DTNB: variants seen among roughly 807,000 people sequenced by gnomAD.
DTNB encodes dystrobrevin beta.
DTNB carries 63 observed loss-of-function variants against 90.7 expected under a neutral mutation model. That is an observed-to-expected ratio of 0.69 (90% CI 0.57 to 0.86). The LOEUF is 0.86. Among genes scored for constraint, DTNB ranks in the 40% least tolerant of loss-of-function variants. The pLI is 0.00. For missense variants in DTNB, 744 were observed against 807.1 expected, an observed-to-expected ratio of 0.92 and a Z score of 0.95; for synonymous variants, 277 against 286.7, an observed-to-expected ratio of 0.97 and a Z score of 0.34.
At chr2:25,585,677 G>A (rs188838411) in intron 6 of DTNB, among the ~76,000 whole-genome samples, 1 of 152,232 alleles carries the variant, frequency 6.6e-6, no homozygotes, top group East Asian at 1.9e-4. Context: ...CTCCTATAAT[G>A]TGCAACATAG....
intron 5 of DTNB, among the ~76,000 whole-genome samples, chr2:25,603,169 TAAG>T (rs751701881): frequency 3.1e-4 from 47 of 152,200 alleles, no homozygotes; most frequent in Non-Finnish European, 5.3e-4. Flanking sequence ...GCAATTTGAA[TAAG>T]GAGACTAAAT....
At chr2:25,378,066 T>C (rs2036368916) in intron 20 of DTNB, among the ~76,000 whole-genome samples, 1 of 152,132 alleles carries the variant, frequency 6.6e-6, no homozygotes, top group African/African-American at 2.4e-5. Context: ...GTGTGGGGCA[T>C]TGGTTTCCTC....
intron 10 of DTNB, among the ~76,000 whole-genome samples, chr2:25,480,522 C>T (rs1368597133): frequency 1.3e-5 from 2 of 152,146 alleles, no homozygotes; most frequent in African/African-American, 4.8e-5. Flanking sequence ...AGGGGTAGGC[C>T]TCTACAGAGG....
At chr2:25,583,246 C>CAAAA (rs55876799) in intron 6 of DTNB, among the ~76,000 whole-genome samples, 4 of 97,102 alleles carry the variant, frequency 4.1e-5, no homozygotes, top group Admixed American at 1.1e-4. Flanking sequence ...GATTCCGTCT[C>CAAAA]AAAAAAAAAA....
intron 10 of DTNB, among the ~76,000 whole-genome samples, chr2:25,461,186 G>T (rs1224658693): frequency 6.6e-6 from 1 of 152,240 alleles, no homozygotes; most frequent in Non-Finnish European, 1.5e-5. Flanking sequence ...TTACAGGCGT[G>T]AGCCACCAGG....
At chr2:25,430,144 A>C (rs1323031781) in intron 14 of DTNB, among the ~76,000 whole-genome samples, 2 of 151,984 alleles carry the variant, frequency 1.3e-5, no homozygotes, top group Non-Finnish European at 2.9e-5. Flanking sequence ...TATATGTAAA[A>C]TCTTGTGTGT....
At chr2:25,669,295 A>G (rs1316909469) in intron 1 of DTNB, among the ~76,000 whole-genome samples, 1 of 152,228 alleles carries the variant, frequency 6.6e-6, no homozygotes, top group Non-Finnish European at 1.5e-5. Context: ...TACTATAATA[A>G]AAAAAGTTAG....
At chr2:25,382,721 G>C (rs1407631563) in intron 19 of DTNB, among the ~76,000 whole-genome samples, 2 of 151,840 alleles carry the variant, frequency 1.3e-5, no homozygotes, top group African/African-American at 4.8e-5. Context: ...TAGAGACAGG[G>C]TTTCACCATG....
At chr2:25,501,239 G>T (rs1202724170) in intron 9 of DTNB, among the ~76,000 whole-genome samples, 1 of 151,828 alleles carries the variant, frequency 6.6e-6, no homozygotes, top group African/African-American at 2.4e-5. Context: ...TTGAAACAGG[G>T]TCTCACTCTG....
Position 25,575,099 on chromosome 2 carries a change from G to A in DTNB, c.876+1739C>T, listed in dbSNP as rs1177680626. Among the ~76,000 whole-genome samples, 3 of 151,930 alleles carry A rather than the reference G, an allele frequency of 2.0e-5. No homozygotes were observed. In the South Asian group the frequency reaches 6.2e-4, roughly 32 times the overall value. On this transcript the variant is annotated intron_variant, in intron 8 of 20. Coordinates refer to ENST00000406818, the MANE Select transcript of DTNB (RefSeq NM_021907.5). ...CAAATGAGGAAATTCAAACCAGGGG[G>A]AATAAGAAGTTCCCAATTCTCTTAG... is the stretch of plus-strand genomic sequence containing the variant.
intron 12 of DTNB, among the ~76,000 whole-genome samples, chr2:25,435,461 C>A (rs2055418907): frequency 6.6e-6 from 1 of 152,214 alleles, no homozygotes; most frequent in Non-Finnish European, 1.5e-5. Context: ...TTTGCCTATT[C>A]TGGATATTTC....
chr2:25,549,959 C>G (rs879799468), intron 8 of DTNB, among the ~76,000 whole-genome samples: 8 of 152,096 alleles, frequency 5.3e-5, no homozygotes, highest in Non-Finnish European at 1.0e-4. Context: ...CTGTGCCCAG[C>G]CAGTATATCT....
intron 8 of DTNB, among the ~76,000 whole-genome samples, chr2:25,568,648 T>G (rs2151268174): frequency 6.6e-6 from 1 of 152,334 alleles, no homozygotes; most frequent in Non-Finnish European, 1.5e-5. Flanking sequence ...ATGGTTAAAT[T>G]AACCACTTAT....
chr2:25,439,483 CAG>C (rs1295191651), intron 12 of DTNB, among the ~76,000 whole-genome samples: 2 of 152,124 alleles, frequency 1.3e-5, no homozygotes, highest in Admixed American at 6.5e-5. Flanking sequence ...GTCTGAGTGA[CAG>C]AGTGAGACCC....
intron 8 of DTNB, among the ~76,000 whole-genome samples, chr2:25,542,616 G>A (rs2081517991): frequency 6.6e-6 from 1 of 152,110 alleles, no homozygotes; most frequent in South Asian, 2.1e-4. Flanking sequence ...TTATTTGAAT[G>A]TTTGCTGAAA....
intron 3 of DTNB, among the ~76,000 whole-genome samples, chr2:25,635,268 T>C (rs2076898814): frequency 6.6e-6 from 1 of 151,654 alleles, no homozygotes; most frequent in Admixed American, 6.6e-5. Context: ...CTGTCTCTAC[T>C]AAAAATACAA....
intron 7 of DTNB, 34 bp from the exon 8 acceptor site, chr2:25,577,038 G>T: frequency 6.4e-7 from 1 of 1,558,700 alleles, no homozygotes; most frequent in Non-Finnish European, 8.7e-7. Context: ...GAGAAAAAAG[G>T]GCAGGAGGGA....
At chr2:25,614,331 G>A (rs1245261887) in intron 4 of DTNB, among the ~76,000 whole-genome samples, 5 of 152,066 alleles carry the variant, frequency 3.3e-5, no homozygotes, top group Non-Finnish European at 7.4e-5. Context: ...CCCAGCTGGT[G>A]AAATAAGACA....
intron 6 of DTNB, among the ~76,000 whole-genome samples, chr2:25,584,181 T>C (rs545584171): frequency 6.6e-6 from 1 of 152,344 alleles, no homozygotes; most frequent in East Asian, 1.9e-4. Context: ...AAGACATTAT[T>C]GGTCTTTTTC....
Sources: gnomAD v4.1 joint callset for allele counts (sites outside exome capture counted in the v4.1 genomes callset) on GRCh38, gnomAD v4.1.1 for gene constraint, MANE v1.5 for transcripts, NCBI Gene and HGNC (gene_info 2026-07-23, HGNC 2026-07-21) for gene names.